RFX7: variants seen among roughly 807,000 people sequenced by gnomAD.
The protein encoded by RFX7 is DNA-binding protein RFX7.
RFX7 carries 26 observed loss-of-function variants against 111.8 expected under a neutral mutation model. The ratio of observed to expected loss-of-function variants is 0.23; its 90% CI spans 0.17 to 0.32. The LOEUF is 0.32. Ranked by LOEUF, RFX7 falls within the 10% of genes least tolerant of loss-of-function variation. The pLI is 1.00. For synonymous variants in RFX7, 624 were observed against 624.4 expected, an observed-to-expected ratio of 1.00 and a Z score of 0.01; for missense variants, 1,573 against 1,772.9, an observed-to-expected ratio of 0.89 and a Z score of 2.02.
chr15:56,139,743 G>C (rs1264933736), intron 5 of RFX7, among the ~76,000 whole-genome samples: 2 of 151,980 alleles, frequency 1.3e-5, no homozygotes, highest in African/African-American at 2.4e-5. Flanking sequence ...CCATCTTTGT[G>C]GTTTTATCTA....
chr15:56,111,801 T>C (rs2041937187), intron 5 of RFX7, among the ~76,000 whole-genome samples: 1 of 152,140 alleles, frequency 6.6e-6, no homozygotes, highest in South Asian at 2.1e-4. Context: ...TCTCCAGGTA[T>C]TTCTCATGTG....
intron 5 of RFX7, among the ~76,000 whole-genome samples, chr15:56,128,342 T>A (rs1426377201): frequency 6.6e-6 from 1 of 152,188 alleles, no homozygotes; most frequent in Non-Finnish European, 1.5e-5. Context: ...AACAAAAGAC[T>A]GACAAACTGA....
At chr15:56,155,194 C>T (rs2042636098) in intron 3 of RFX7, among the ~76,000 whole-genome samples, 1 of 152,094 alleles carries the variant, frequency 6.6e-6, no homozygotes, top group South Asian at 2.1e-4. Flanking sequence ...TAAATTAGTT[C>T]AACCATTGCG....
chr15:56,139,371 A>T (rs1235708936), intron 5 of RFX7, among the ~76,000 whole-genome samples: 3 of 151,924 alleles, frequency 2.0e-5, no homozygotes, highest in Non-Finnish European at 4.4e-5. Context: ...TCATTTCATC[A>T]TCCATCGCTG....
intron 5 of RFX7, among the ~76,000 whole-genome samples, chr15:56,117,036 G>GT (rs2042018136): frequency 6.6e-6 from 1 of 152,186 alleles, no homozygotes; most frequent in Non-Finnish European, 1.5e-5. Flanking sequence ...GAGAGTGAGT[G>GT]TAAGAGGTTA....
rs1347778725 is a variant in RFX7, at chr15:56,094,415, G to A, written c.3313C>T (p.Gln1105Ter). 1 of 1,613,946 alleles carries A rather than the reference G, an allele frequency of 6.2e-7. No homozygotes were observed. The highest frequency in any genetic ancestry group is 2.2e-5 in the East Asian group (1 of 44,882). Residue 1105 changes from glutamine to a stop codon, truncating the protein, a stop_gained, in exon 10 of 10, where the codon CAG becomes TAG. Coordinates refer to ENST00000559447, the MANE Select transcript of RFX7 (RefSeq NM_022841.7). LOFTEE classifies it high-confidence loss of function. ...TGTCTGGATTGAGACTGATAAGACT[G>A]TCCAGGCACAGCAAAAGCATGAGGT... ...RKPHAFAVPG[Q>*]SYQSQSRHHD...
chr15:56,121,271 A>C (rs570515055), intron 5 of RFX7, among the ~76,000 whole-genome samples: 1 of 152,176 alleles, frequency 6.6e-6, no homozygotes, highest in African/African-American at 2.4e-5. Context: ...CTAGGGTAAA[A>C]TATTTTTCCC....
At chr15:56,159,380 C>A (rs538397412) in intron 3 of RFX7, among the ~76,000 whole-genome samples, 1 of 152,186 alleles carries the variant, frequency 6.6e-6, no homozygotes, top group South Asian at 2.1e-4. Flanking sequence ...GTTGGAATAC[C>A]ACAAGAGCAA....
intron 5 of RFX7, among the ~76,000 whole-genome samples, chr15:56,105,983 A>G (rs1212051007): frequency 6.6e-6 from 1 of 152,196 alleles, no homozygotes; most frequent in East Asian, 1.9e-4. Context: ...TATGGTGTCT[A>G]GCATATGGCA....
At chr15:56,199,892 C>G (rs2043177408) in intron 2 of RFX7, among the ~76,000 whole-genome samples, 1 of 152,136 alleles carries the variant, frequency 6.6e-6, no homozygotes, top group South Asian at 2.1e-4. Flanking sequence ...TAAATCTAGT[C>G]TAACCCTTTC....
At chr15:56,170,425 T>C (rs1216524127) in intron 3 of RFX7, among the ~76,000 whole-genome samples, 4 of 152,112 alleles carry the variant, frequency 2.6e-5, no homozygotes, top group African/African-American at 9.7e-5. Flanking sequence ...GGGCTAAGTC[T>C]GTTATGGGGG....
At chr15:56,195,275 A>G (rs535916465) in intron 2 of RFX7, among the ~76,000 whole-genome samples, 3 of 152,106 alleles carry the variant, frequency 2.0e-5, no homozygotes, top group Non-Finnish European at 2.9e-5. Context: ...GTGACTGCTT[A>G]ATGCATATTC....
At chr15:56,137,379 C>T (rs371695228) in intron 5 of RFX7, among the ~76,000 whole-genome samples, 4 of 152,144 alleles carry the variant, frequency 2.6e-5, no homozygotes, top group Non-Finnish European at 5.9e-5. Flanking sequence ...TCCATTTCTT[C>T]TAGATTTTCT....
intron 2 of RFX7, among the ~76,000 whole-genome samples, chr15:56,218,144 CTT>C (rs869249448): frequency 9.1e-4 from 53 of 57,948 alleles, no homozygotes; most frequent in African/African-American, 3.7e-3. Context: ...AAATGATTTT[CTT>C]TTTTTTTTTT....
chr15:56,153,447 T>C (rs984896761), intron 3 of RFX7, among the ~76,000 whole-genome samples: 1 of 151,876 alleles, frequency 6.6e-6, no homozygotes, highest in Non-Finnish European at 1.5e-5. Flanking sequence ...ATAAATCCAA[T>C]CCACATAAAC....
At chr15:56,099,599 C>T (rs2041726759) in intron 8 of RFX7, among the ~76,000 whole-genome samples, 1 of 151,826 alleles carries the variant, frequency 6.6e-6, no homozygotes, top group Admixed American at 6.6e-5. Flanking sequence ...ACATTTGTAA[C>T]ACAACCTGTT....
intron 9 of RFX7, among the ~76,000 whole-genome samples, chr15:56,097,162 A>G (rs1595920954): frequency 1.3e-5 from 2 of 152,228 alleles, no homozygotes; most frequent in African/African-American, 2.4e-5. Flanking sequence ...TAGGAACAAG[A>G]AAAACGACAA....
intron 3 of RFX7, among the ~76,000 whole-genome samples, chr15:56,172,532 G>C (rs757038821): frequency 6.6e-6 from 1 of 152,152 alleles, no homozygotes; most frequent in Non-Finnish European, 1.5e-5. Context: ...AGAGAGATCA[G>C]CATTCAGACA....
chr15:56,115,231 C>T (rs555623449), intron 5 of RFX7, among the ~76,000 whole-genome samples: 1 of 152,138 alleles, frequency 6.6e-6, no homozygotes, highest in Non-Finnish European at 1.5e-5. Flanking sequence ...AGGCTGGTCT[C>T]GAACTCCTGA....
Sources: allele counts gnomAD v4.1 joint callset (sites outside exome capture counted in the v4.1 genomes callset), GRCh38; gene constraint gnomAD v4.1.1; transcripts MANE v1.5; gene names NCBI Gene and HGNC (gene_info 2026-07-23, HGNC 2026-07-21).